The following HPSE2 variants were observed in gnomAD, a reference collection of about 807,000 sequenced individuals.
HPSE2 encodes the protein heparanase 2 (inactive).
A neutral mutation model predicts 60.5 loss-of-function variants in HPSE2; 38 were observed. That is an observed-to-expected ratio of 0.63 (90% CI 0.48 to 0.82). The LOEUF (loss-of-function observed/expected upper bound fraction) is 0.82. Ranked by LOEUF, HPSE2 falls within the 40% of genes least tolerant of loss-of-function variation. The pLI is 0.00. For missense variants in HPSE2, 713 were observed against 740.4 expected (o/e 0.96, Z 0.43); for synonymous variants, 295 against 293.2 (o/e 1.01, Z -0.06).
chr10:98,518,311 T>G (rs893119527), intron 9 of HPSE2, among the ~76,000 whole-genome samples: 3 of 152,180 alleles, frequency 2.0e-5, no homozygotes, highest in Non-Finnish European at 4.4e-5. Flanking sequence ...GTGACAGTAA[T>G]TAGAAGTTAG....
At chr10:99,140,225 A>G (rs1845816032) in intron 3 of HPSE2, among the ~76,000 whole-genome samples, 1 of 152,238 alleles carries the variant, frequency 6.6e-6, no homozygotes, top group South Asian at 2.1e-4. Flanking sequence ...TTTATTTGCC[A>G]CAGTAACACT....
At chr10:98,498,508 T>C (rs531570854) in intron 9 of HPSE2, among the ~76,000 whole-genome samples, 114 of 152,236 alleles carry the variant, frequency 7.5e-4, no homozygotes, top group African/African-American at 2.6e-3. Context: ...CCTTTAGCTG[T>C]AGACCTTCCT....
rs2134328232 is a variant in HPSE2 at position 98,743,907 on chromosome 10, T to C, written c.760A>G (p.Asn254Asp). The change falls in exon 4 of 12, where the codon AAC becomes GAC. Residue 254 changes from asparagine (N) to aspartate (D), a missense_variant. Asn to Asp is a conservative substitution (Grantham distance 23, BLOSUM62 1). Transcript: ENST00000370552. ...LLKYSASKKY[N>D]ISWELGNEPN... ...CCATTACCCAGTTCCCAAGAAATGT[T>C]GTACTTTTTGCTGGCGCTGTACTTC... The C allele has an allele frequency of 1.9e-6, 3 of 1,614,080 alleles. No individual in the cohort carries two copies. The highest frequency in any genetic ancestry group is 4.5e-5 in the East Asian group (2 of 44,862).
intron 9 of HPSE2, among the ~76,000 whole-genome samples, chr10:98,595,577 TTTA>T (rs1469373924): frequency 6.6e-6 from 1 of 152,238 alleles, no homozygotes; most frequent in Admixed American, 6.5e-5. Context: ...ACTGAATCAA[TTTA>T]TTAGTTCTAA....
At chr10:98,671,374 T>G (rs1266278071) in intron 6 of HPSE2, among the ~76,000 whole-genome samples, 1 of 152,168 alleles carries the variant, frequency 6.6e-6, no homozygotes, top group Non-Finnish European at 1.5e-5. Flanking sequence ...TTTGATTTAG[T>G]CCATGCCTGA....
intron 9 of HPSE2, among the ~76,000 whole-genome samples, chr10:98,493,165 C>T (rs192848160): frequency 6.6e-6 from 1 of 152,304 alleles, no homozygotes; most frequent in East Asian, 1.9e-4. Context: ...TTTTGTAAGG[C>T]TGAATAATAT....
chr10:99,227,421 C>A (rs1477857892), intron 2 of HPSE2, among the ~76,000 whole-genome samples: 1 of 151,968 alleles, frequency 6.6e-6, no homozygotes, highest in Non-Finnish European at 1.5e-5. Context: ...AAATGTAGTT[C>A]TAGTGCAAGG....
chr10:98,782,986 T>C (rs1480519748), intron 3 of HPSE2, among the ~76,000 whole-genome samples: 1 of 118,896 alleles, frequency 8.4e-6, no homozygotes, highest in African/African-American at 3.4e-5. Context: ...CATGTGCACA[T>C]TGTGCAGGTT....
chr10:98,675,170 A>T (rs949271445), intron 6 of HPSE2, among the ~76,000 whole-genome samples: 1 of 152,094 alleles, frequency 6.6e-6, no homozygotes, highest in African/African-American at 2.4e-5. Flanking sequence ...GAAGCCTTCT[A>T]TCTAGCTGCT....
At chr10:99,164,119 A>T (rs1205855696) in intron 2 of HPSE2, among the ~76,000 whole-genome samples, 2 of 149,500 alleles carry the variant, frequency 1.3e-5, no homozygotes, top group Non-Finnish European at 3.0e-5. Flanking sequence ...ACCAATAATT[A>T]CTCTGGTGTT....
At chr10:98,600,873 A>ATATGTGTGTG in intron 9 of HPSE2, among the ~76,000 whole-genome samples, 3 of 105,184 alleles carry the variant, frequency 2.9e-5, no homozygotes, top group Admixed American at 1.2e-4. Flanking sequence ...ATACGTATAT[A>ATATGTGTGTG]TGTATATATA....
At chr10:98,984,569 C>G (rs906710123) in intron 3 of HPSE2, among the ~76,000 whole-genome samples, 3 of 152,126 alleles carry the variant, frequency 2.0e-5, no homozygotes, top group Admixed American at 1.3e-4. Context: ...ACTGAAAATT[C>G]TAAAAATCAG....
the HPSE2 span, among the ~76,000 whole-genome samples, chr10:99,305,979 G>GCGCGCGCGCACACACA: frequency 1.3e-3 from 101 of 80,562 alleles, no homozygotes; most frequent in Non-Finnish European, 2.0e-3. Context: ...GCGCGCGCGC[G>GCGCGCGCGCACACACA]CACACACACA....
chr10:98,587,074 T>C (rs1944960019), intron 9 of HPSE2, among the ~76,000 whole-genome samples: 1 of 152,242 alleles, frequency 6.6e-6, no homozygotes, highest in Non-Finnish European at 1.5e-5. Context: ...TAATAAACCA[T>C]AGCTTATATT....
chr10:98,954,571 G>T (rs1955455550), intron 3 of HPSE2, among the ~76,000 whole-genome samples: 1 of 152,106 alleles, frequency 6.6e-6, no homozygotes, highest in African/African-American at 2.4e-5. Flanking sequence ...ATCACCAGTG[G>T]TTGCCTCTGA....
At chr10:99,295,376 T>C in the HPSE2 span, among the ~76,000 whole-genome samples, 2 of 152,124 alleles carry the variant, frequency 1.3e-5, no homozygotes, top group African/African-American at 4.8e-5. Context: ...GTCCACACAA[T>C]AGACTACTAA....
intron 9 of HPSE2, among the ~76,000 whole-genome samples, chr10:98,589,392 C>T (rs1564992512): frequency 1.3e-5 from 2 of 152,166 alleles, no homozygotes; most frequent in Admixed American, 1.3e-4. Context: ...CACTGACTCC[C>T]CTCAGACCTC....
At chr10:99,165,081 C>CAAAAA (rs56263581) in intron 2 of HPSE2, among the ~76,000 whole-genome samples, 10 of 65,754 alleles carry the variant, frequency 1.5e-4, no homozygotes, top group Admixed American at 4.4e-4. Flanking sequence ...GACTCGGTCT[C>CAAAAA]AAAAAAAAAA....
At chr10:99,307,243 A>G in the HPSE2 span, among the ~76,000 whole-genome samples, 6 of 152,112 alleles carry the variant, frequency 3.9e-5, no homozygotes, top group Non-Finnish European at 8.8e-5. Context: ...ATTGGAGTGG[A>G]TCCCTCCTTA....
Sources: gnomAD v4.1 joint callset for allele counts (sites outside exome capture counted in the v4.1 genomes callset) on GRCh38, gnomAD v4.1.1 for gene constraint, MANE v1.5 for transcripts, NCBI Gene and HGNC (gene_info 2026-07-23, HGNC 2026-07-21) for gene names.